ATG10: variants seen among roughly 807,000 people sequenced by gnomAD.
ATG10 encodes ubiquitin-like-conjugating enzyme ATG10.
In ATG10, 30 loss-of-function variants were observed where a neutral mutation model predicts 32.1. The ratio of observed to expected loss-of-function variants is 0.94; its 90% CI spans 0.70 to 1.27. The LOEUF (loss-of-function observed/expected upper bound fraction) is 1.27, where lower values mean the gene tolerates loss of function less well. ATG10 is among the 50% of genes most tolerant of loss of function. The probability of loss-of-function intolerance (pLI) is 0.00; values close to 1 mark genes in which losing one functional copy is unlikely to be tolerated. For missense variants in ATG10, 233 were observed against 262.3 expected (o/e 0.89, Z 0.77); for synonymous variants, 87 against 91.5 (o/e 0.95, Z 0.28).
At chr5:82,253,492 A>G (rs1747345360) in intron 7 of ATG10, 63 bp downstream of exon 7, 2 of 1,127,502 alleles carry the variant, frequency 1.8e-6, no homozygotes, top group Admixed American at 3.7e-5. Context: ...CATTGCATTT[A>G]GACTCATCCC....
chr5:82,083,290 T>C (rs988021966), intron 3 of ATG10, among the ~76,000 whole-genome samples: 1 of 152,118 alleles, frequency 6.6e-6, no homozygotes, highest in Non-Finnish European at 1.5e-5. Flanking sequence ...GGGAGGGGCA[T>C]CCACCATTGC....
At chr5:82,026,715 T>A (rs1762603830) in intron 2 of ATG10, among the ~76,000 whole-genome samples, 1 of 152,206 alleles carries the variant, frequency 6.6e-6, no homozygotes, top group Admixed American at 6.5e-5. Flanking sequence ...ATGTAATAAT[T>A]CAATGAAATT....
At chr5:82,041,231 T>G (rs1476352351) in intron 2 of ATG10, among the ~76,000 whole-genome samples, 1 of 152,260 alleles carries the variant, frequency 6.6e-6, no homozygotes, top group Non-Finnish European at 1.5e-5. Context: ...TTACTATAGT[T>G]TAAATATGTT....
chr5:82,040,412 C>T (rs756675885), intron 2 of ATG10, among the ~76,000 whole-genome samples: 9 of 152,200 alleles, frequency 5.9e-5, no homozygotes, highest in Admixed American at 3.3e-4. Context: ...CAGGCATTCT[C>T]ATGCATTACT....
At chr5:82,170,148 A>G (rs770112152) in intron 4 of ATG10, among the ~76,000 whole-genome samples, 44 of 152,262 alleles carry the variant, frequency 2.9e-4, no homozygotes, top group Non-Finnish European at 5.1e-4. Flanking sequence ...AGAGAAAATA[A>G]CAAGGTAAGT....
chr5:82,055,738 T>A (rs74712967), intron 2 of ATG10, among the ~76,000 whole-genome samples: 1 of 152,324 alleles, frequency 6.6e-6, no homozygotes, highest in African/African-American at 2.4e-5. Context: ...TATTATAGTT[T>A]TACCGTATAG....
At chr5:82,208,665 T>C (rs905413016) in intron 5 of ATG10, among the ~76,000 whole-genome samples, 8 of 152,222 alleles carry the variant, frequency 5.3e-5, no homozygotes, top group Admixed American at 4.6e-4. Context: ...TTCTGCTAGA[T>C]ATTTTTTATC....
intron 3 of ATG10, among the ~76,000 whole-genome samples, chr5:82,124,756 TGA>T (rs764706805): frequency 1.3e-5 from 2 of 152,156 alleles, no homozygotes; most frequent in African/African-American, 2.4e-5. Flanking sequence ...AACATATGTG[TGA>T]GTGTGTCTTT....
At chr5:82,071,381 G>A (rs1253378584) in intron 3 of ATG10, among the ~76,000 whole-genome samples, 2 of 152,166 alleles carry the variant, frequency 1.3e-5, no homozygotes, top group Non-Finnish European at 1.5e-5. Context: ...TGGATTCCAT[G>A]TCTCCCTCTG....
intron 5 of ATG10, among the ~76,000 whole-genome samples, chr5:82,220,955 A>C (rs768335927): frequency 2.0e-5 from 3 of 151,808 alleles, no homozygotes; most frequent in Non-Finnish European, 2.9e-5. Flanking sequence ...ATGGGGTTTC[A>C]CCATATTGGC....
intron 4 of ATG10, among the ~76,000 whole-genome samples, chr5:82,171,266 C>A (rs1743798062): frequency 6.6e-6 from 1 of 152,144 alleles, no homozygotes; most frequent in Non-Finnish European, 1.5e-5. Flanking sequence ...CCTTTATGTG[C>A]TATTGGGCAT....
chr5:82,031,807 C>G (rs1441202306), intron 2 of ATG10, among the ~76,000 whole-genome samples: 1 of 152,226 alleles, frequency 6.6e-6, no homozygotes, highest in East Asian at 1.9e-4. Context: ...GCTGATGATA[C>G]CTGTTGTTTC....
chr5:82,079,918 C>A lies in ATG10; in HGVS notation c.216+21316C>A, dbSNP rs1443837547. On this transcript the variant is annotated intron_variant, in intron 3 of 7. Coordinates refer to ENST00000282185, the MANE Select transcript of ATG10 (RefSeq NM_031482.5). ...GCTGGGTCAAATGGTATTTCTAGTT[C>A]TAGATCCTTGAGGAATCGCCACACT... is the stretch of plus-strand genomic sequence containing the variant. Among the ~76,000 whole-genome samples the A allele has an allele frequency of 3.3e-5, 5 of 152,286 alleles. No homozygotes were observed. In the East Asian group the frequency reaches 5.8e-4, roughly 18 times the overall value.
At chr5:82,132,850 C>T (rs956442619) in intron 3 of ATG10, among the ~76,000 whole-genome samples, 3 of 152,100 alleles carry the variant, frequency 2.0e-5, no homozygotes, top group East Asian at 1.9e-4. Context: ...ATTTACACTC[C>T]GACCAACAGT....
In ATG10 at chr5:82,135,010, A is replaced by G. The variant is rs529439454; in HGVS notation, c.217-29389A>G. 3.3e-5 allele frequency among the ~76,000 whole-genome samples: 5 copies of G among 150,452 alleles called. No homozygotes were observed. The South Asian group carries it at 8.4e-4, about 25-fold the overall frequency. ...CTTCTAGATTTTCTAGTTTATTTGC[A>G]TAGAGGTGTTTATAGTATTCTCTGA... is the stretch of plus-strand genomic sequence containing the variant. On this transcript the variant is annotated intron_variant, in intron 3 of 7. Coordinates refer to ENST00000282185, the MANE Select transcript of ATG10 (RefSeq NM_031482.5).
chr5:82,041,473 G>A (rs1241000876), intron 2 of ATG10, among the ~76,000 whole-genome samples: 1 of 151,996 alleles, frequency 6.6e-6, no homozygotes, highest in Non-Finnish European at 1.5e-5. Flanking sequence ...CTGAAAATTG[G>A]GAACAAACTT....
intron 4 of ATG10, among the ~76,000 whole-genome samples, chr5:82,165,849 C>G (rs1561335570): frequency 6.6e-6 from 1 of 152,132 alleles, no homozygotes; most frequent in Non-Finnish European, 1.5e-5. Flanking sequence ...AATGGCTCTG[C>G]CTTCTAGATT....
At chr5:82,221,939 T>G (rs1443641722) in intron 5 of ATG10, among the ~76,000 whole-genome samples, 2 of 152,158 alleles carry the variant, frequency 1.3e-5, no homozygotes, top group Non-Finnish European at 2.9e-5. Flanking sequence ...AGTCTTTTAG[T>G]GAATATGTTA....
chr5:82,133,807 G>A (rs1040463450), intron 3 of ATG10, among the ~76,000 whole-genome samples: 2 of 151,562 alleles, frequency 1.3e-5, no homozygotes, highest in African/African-American at 4.8e-5. Context: ...CTATAAATTT[G>A]GGCAGTATGG....
Sources: allele counts gnomAD v4.1 joint callset (sites outside exome capture counted in the v4.1 genomes callset), GRCh38; gene constraint gnomAD v4.1.1; transcripts MANE v1.5; gene names NCBI Gene and HGNC (gene_info 2026-07-23, HGNC 2026-07-21).